Variants in ODAM observed in about 807,000 individuals in gnomAD.
ODAM encodes odontogenic ameloblast-associated protein.
In ODAM, 55 loss-of-function variants were observed where a neutral mutation model predicts 48.5. That is an observed-to-expected ratio of 1.13 (90% CI 0.91 to 1.42). The LOEUF is 1.42. Ranked by LOEUF, ODAM falls within the 40% of genes most tolerant of loss-of-function variation. The probability of loss-of-function intolerance (pLI) is 0.00; values close to 1 mark genes in which losing one functional copy is unlikely to be tolerated. For missense variants in ODAM, 353 were observed against 323.6 expected (o/e 1.09, Z -0.70); for synonymous variants, 127 against 107.8 (o/e 1.18, Z -1.10).
rs771107223 is a variant in ODAM at position 70,200,560 on chromosome 4, AG to A, written c.489del (p.Arg163SerfsTer27). The A allele has an allele frequency of 4.3e-6, 7 of 1,611,560 alleles. No homozygotes were observed. Among genetic ancestry groups the A allele is most frequent in the Non-Finnish European group, 5.9e-6 (7 of 1,178,366 alleles). On this transcript the variant is annotated frameshift_variant, in exon 7 of 12. Coordinates refer to ENST00000683306, the MANE Select transcript of ODAM (RefSeq NM_017855.4). LOFTEE classifies it high-confidence loss of function. The stretch of plus-strand genomic sequence containing the variant: ...GGAACAACCTCAGCAAACAGTTCCA[AG>A]GTCACCTCAACAAACAAGACAGCAA... ...PWEQPQQTVPRSPQQTRQQQY... is the reference protein window; with the variant it reads ...PWEQPQQTVPXSPQQTRQQQY...
rs1247337791 is a variant in ODAM at position 70,198,589 on chromosome 4, A to G, written c.386A>G (p.Tyr129Cys). Residue 129 changes from tyrosine to cysteine, a missense_variant, in exon 6 of 12, where the codon TAT (tyrosine) becomes TGT (cysteine). Coordinates refer to ENST00000683306, the MANE Select transcript of ODAM (RefSeq NM_017855.4). Reference sequence around the variant, plus strand: ...TCTTTTTTTTGGCAGGTGATGCCCTATGTATTCTCCTTCAAAATGCCTCAA... The same window carrying G: ...TCTTTTTTTTGGCAGGTGATGCCCTGTGTATTCTCCTTCAAAATGCCTCAA... ...TQPGPSHVMPYVFSFKMPQEQ... is the reference protein window; with the variant it reads ...TQPGPSHVMPCVFSFKMPQEQ... The G allele has an allele frequency of 1.3e-6, 2 of 1,598,168 alleles. No homozygotes were observed. The highest frequency in any genetic ancestry group is 8.5e-7 in the Non-Finnish European group (1 of 1,174,966).
At position 70,200,443 on chromosome 4, in the gene ODAM, A is replaced by G. The variant is rs1024373032; in HGVS notation, c.424-54A>G. ...AAATTGACATTAGAAGATAAAAAGT[A>G]TGTCCTATGCTGATTTAATGGAATC... On this transcript the variant is annotated intron_variant, in intron 6 of 11. Coordinates refer to ENST00000683306, the MANE Select transcript of ODAM (RefSeq NM_017855.4). The G allele has an allele frequency of 4.0e-5, 36 of 904,510 alleles. 1 individual carries two copies. In the African/African-American group the frequency reaches 5.1e-4, roughly 13 times the overall value. The allele number at this position is 904,510 out of a possible 1,614,324, so 56.0% of individuals were successfully genotyped here. A position where few individuals can be genotyped will look rare whatever the true frequency, so the allele number is the denominator to read the frequency against.
intron 3 of ODAM, among the ~76,000 whole-genome samples, chr4:70,197,070 A>G (rs1729382283): frequency 6.6e-6 from 1 of 152,080 alleles, no homozygotes; most frequent in Non-Finnish European, 1.5e-5. Flanking sequence ...CATACCCAAC[A>G]GAGGAGAGGT....
At chr4:70,201,212 A>T (rs1729486067) in intron 7 of ODAM, among the ~76,000 whole-genome samples, 1 of 151,862 alleles carries the variant, frequency 6.6e-6, no homozygotes, top group Non-Finnish European at 1.5e-5. Context: ...AACTGGTAGT[A>T]TTAATTCTAA....
rs1729374461 is a variant in ODAM, at chr4:70,196,733, G to A, written c.93G>A (p.Glu31=). 7 of 1,600,162 alleles carry A rather than the reference G, an allele frequency of 4.4e-6. No homozygotes were observed. The highest frequency in any genetic ancestry group is 1.1e-5 in the South Asian group (1 of 88,142). Residue 31 remains glutamate, a splice_region_variant and synonymous_variant, in exon 3 of 12, where the codon GAG becomes GAA. Coordinates refer to ENST00000683306, the MANE Select transcript of ODAM (RefSeq NM_017855.4). ...QRLMSASNSN[E]LLLNLNNGQL... ...TCATGTCTGCCAGCAATAGCAATGA[G>A]GTTAGTTTAAATAATTAAAACAATC...
At chr4:70,197,240 T>C (rs923230346) in intron 3 of ODAM, 34 bp from the exon 4 acceptor site, 1 of 964,352 alleles carries the variant, frequency 1.0e-6, no homozygotes, top group Non-Finnish European at 1.7e-6. Context: ...TAGTGTGTAG[T>C]AATCTTGATT....
intron 4 of ODAM, 70 bp downstream of exon 4, chr4:70,197,391 A>T: frequency 1.1e-6 from 1 of 893,634 alleles, no homozygotes; most frequent in Non-Finnish European, 1.9e-6. Flanking sequence ...TTTTGTAAGA[A>T]AACAAAATGT....
chr4:70,202,408 T>A, intron 9 of ODAM, 79 bp downstream of exon 9: 3 of 1,117,786 alleles, frequency 2.7e-6, no homozygotes, highest in Middle Eastern at 3.9e-4. Context: ...CATTTTAATA[T>A]CAACTCTGTT....
chr4:70,200,533 T>C lies in ODAM; in HGVS notation c.460T>C (p.Trp154Arg). 1 of 1,611,282 alleles carries C rather than the reference T, an allele frequency of 6.2e-7. No homozygotes were observed. Among genetic ancestry groups the C allele is most frequent in the Non-Finnish European group, 8.5e-7 (1 of 1,178,184 alleles). The change falls in exon 7 of 12, where the codon TGG becomes CGG. Residue 154 changes from tryptophan to arginine, a missense_variant. Physicochemically the swap from Trp to Arg is moderately radical, Grantham distance 101 (BLOSUM62 -3). Transcript: ENST00000683306. ...CTATCCAGTTTACATGGTCCTACCC[T>C]GGGAACAACCTCAGCAAACAGTTCC... ...QYYPVYMVLP[W>R]EQPQQTVPRS...
At chr4:70,203,554 T>A (rs979549867) in intron 11 of ODAM, among the ~76,000 whole-genome samples, 2 of 151,924 alleles carry the variant, frequency 1.3e-5, no homozygotes, top group Non-Finnish European at 2.9e-5. Context: ...AACATTGTAA[T>A]AATTCCAATA....
intron 6 of ODAM, 71 bp downstream of exon 6, chr4:70,198,697 C>A: frequency 1.7e-6 from 2 of 1,193,870 alleles, no homozygotes; most frequent in Non-Finnish European, 2.5e-6. Flanking sequence ...CTATTTCTAG[C>A]TCTGACTCCT....
At position 70,196,697 on chromosome 4, in the gene ODAM, C is replaced by A; in HGVS notation, c.57C>A (p.Ile19=). The A allele has an allele frequency of 6.2e-7, 1 of 1,607,294 alleles. No homozygotes were observed. The highest frequency in any genetic ancestry group is 8.5e-7 in the Non-Finnish European group (1 of 1,176,572). The change falls in exon 3 of 12, where the codon ATC becomes ATA. Residue 19 remains isoleucine (I), a synonymous_variant. Transcript: ENST00000683306. ...TTTTTCATTTTTACTTTTAGCTTATCCCACAGCGTCTCATGTCTGCCAGCA... is the reference window on the plus strand; with the variant it reads ...TTTTTCATTTTTACTTTTAGCTTATACCACAGCGTCTCATGTCTGCCAGCA... ...FLGATLSAPL[I]PQRLMSASNS... is the part of the protein sequence containing the mutation.
intron 8 of ODAM, among the ~76,000 whole-genome samples, chr4:70,202,008 A>C (rs374047064): frequency 9.2e-5 from 14 of 151,902 alleles, no homozygotes; most frequent in African/African-American, 2.9e-4. Flanking sequence ...GTTCTGTAGA[A>C]TTCTTTATGC....
intron 4 of ODAM, 55 bp downstream of exon 4, chr4:70,197,376 T>A: frequency 1.1e-6 from 1 of 948,948 alleles, no homozygotes; most frequent in South Asian, 1.4e-5. Flanking sequence ...TGCTCATTTA[T>A]GTTATTTTGT....
chr4:70,203,003 C>A, intron 10 of ODAM, 86 bp downstream of exon 10: 2 of 1,392,442 alleles, frequency 1.4e-6, no homozygotes, highest in Non-Finnish European at 2.0e-6. Flanking sequence ...ATTTATAGGA[C>A]TTAGTCATGA....
In ODAM at chr4:70,200,584, C is replaced by A; in HGVS notation, c.511C>A (p.Gln171Lys). ...AAGGTCACCTCAACAAACAAGACAG[C>A]AACAGTATGAGGAGCAGGTACTGCA... Reference protein sequence around the residue: ...VPRSPQQTRQQQYEEQIPFYA... With the variant: ...VPRSPQQTRQKQYEEQIPFYA... The change falls in exon 7 of 12, where the codon CAA (glutamine) becomes AAA (lysine). Residue 171 changes from glutamine (Q) to lysine (K), a missense_variant. Coordinates refer to ENST00000683306, the MANE Select transcript of ODAM (RefSeq NM_017855.4). The A allele has an allele frequency of 1.2e-6, 2 of 1,607,802 alleles. No homozygotes were observed. The highest frequency in any genetic ancestry group is 1.7e-6 in the Non-Finnish European group (2 of 1,175,236).
At chr4:70,203,355 TTAA>T in intron 11 of ODAM, 141 bp downstream of exon 11, 1 of 497,966 alleles carries the variant, frequency 2.0e-6, no homozygotes. Flanking sequence ...ACCTATAAAA[TTAA>T]TAATAATTAT....
chr4:70,200,098 G>T (rs964058345), intron 6 of ODAM: 1 of 445,336 alleles, frequency 2.2e-6, no homozygotes, highest in Non-Finnish European at 4.5e-6. Context: ...ATTTATTATG[G>T]CAGAACATCT....
intron 7 of ODAM, 80 bp downstream of exon 7, chr4:70,200,681 G>A: frequency 1.1e-6 from 1 of 874,116 alleles, no homozygotes; most frequent in East Asian, 2.7e-5. Flanking sequence ...TAGAAAAAAA[G>A]TTTCTGAGTA....
Sources: allele counts gnomAD v4.1 joint callset (sites outside exome capture counted in the v4.1 genomes callset), GRCh38; gene constraint gnomAD v4.1.1; transcripts MANE v1.5; gene names NCBI Gene and HGNC (gene_info 2026-07-23, HGNC 2026-07-21).